Variants in CCDC171 observed in about 807,000 individuals in gnomAD.
CCDC171 encodes coiled-coil domain-containing protein 171.
Under a neutral mutation model 168.2 loss-of-function variants are expected in CCDC171, and 177 were observed. The ratio of observed to expected loss-of-function variants is 1.05; its 90% CI spans 0.93 to 1.19. CCDC171 has a LOEUF of 1.19. Ranked by LOEUF, CCDC171 falls within the 50% of genes most tolerant of loss-of-function variation. The pLI, the probability that CCDC171 is intolerant of heterozygous loss-of-function variation, is 0.00. For synonymous variants in CCDC171, 687 were observed against 540.8 expected, an observed-to-expected ratio of 1.27 and a Z score of -3.75; for missense variants, 1,991 against 1,539.0, an observed-to-expected ratio of 1.29 and a Z score of -4.91.
At chr9:15,614,126 A>C (rs1389975704) in intron 6 of CCDC171, among the ~76,000 whole-genome samples, 2 of 152,234 alleles carry the variant, frequency 1.3e-5, no homozygotes, top group East Asian at 3.8e-4. Context: ...CAGAGCCTTA[A>C]GGTCAGCCAG....
At chr9:15,649,974 C>G (rs2047376340) in intron 7 of CCDC171, among the ~76,000 whole-genome samples, 4 of 152,048 alleles carry the variant, frequency 2.6e-5, no homozygotes, top group African/African-American at 7.2e-5. Flanking sequence ...GCACTATTCA[C>G]AATAGCAAAG....
At chr9:15,991,141 T>C (rs182462084) in intron 3 of CCDC171, among the ~76,000 whole-genome samples, 5 of 152,224 alleles carry the variant, frequency 3.3e-5, no homozygotes, top group East Asian at 1.9e-4. Context: ...CAGCACCACA[T>C]CGCACTTATT....
chr9:15,842,022 G>A (rs1446974341), intron 21 of CCDC171, among the ~76,000 whole-genome samples: 1 of 151,924 alleles, frequency 6.6e-6, no homozygotes, highest in Non-Finnish European at 1.5e-5. Context: ...ATCTAGAGAT[G>A]TTTAAAGGAA....
At chr9:15,878,115 C>T (rs1256560542) in intron 24 of CCDC171, among the ~76,000 whole-genome samples, 1 of 152,038 alleles carries the variant, frequency 6.6e-6, no homozygotes. Flanking sequence ...GCAACAAAGA[C>T]AACAAATGAC....
intron 2 of CCDC171, among the ~76,000 whole-genome samples, chr9:15,568,018 A>G (rs1587008691): frequency 7.0e-6 from 1 of 142,932 alleles, no homozygotes; most frequent in Non-Finnish European, 1.5e-5. Flanking sequence ...TGTTTTCTTA[A>G]TTTTGTTTTT....
intron 7 of CCDC171, among the ~76,000 whole-genome samples, chr9:15,626,655 G>T (rs1018212851): frequency 1.3e-5 from 2 of 152,162 alleles, no homozygotes; most frequent in South Asian, 2.1e-4. Context: ...TGCATCCCAG[G>T]GATGAAGCCC....
intron 24 of CCDC171, among the ~76,000 whole-genome samples, chr9:15,906,798 T>G (rs1228192471): frequency 6.6e-6 from 1 of 152,092 alleles, no homozygotes; most frequent in Admixed American, 6.5e-5. Context: ...CAAAATCTCC[T>G]TAAGCTGATA....
At chr9:15,871,439 A>G (rs1043417791) in intron 23 of CCDC171, among the ~76,000 whole-genome samples, 1 of 151,640 alleles carries the variant, frequency 6.6e-6, no homozygotes, top group Non-Finnish European at 1.5e-5. Flanking sequence ...CCTAATTCAC[A>G]CTAAACTCAG....
At chr9:16,058,457 C>A (rs1314609611) in intron 1 of CCDC171, among the ~76,000 whole-genome samples, 3 of 152,202 alleles carry the variant, frequency 2.0e-5, no homozygotes, top group African/African-American at 7.2e-5. Context: ...GTCACCTCCC[C>A]GTCCAGATGT....
chr9:15,784,784 G>C (rs1427409915), intron 21 of CCDC171, 90 bp downstream of exon 21: 1 of 936,136 alleles, frequency 1.1e-6, no homozygotes, highest in East Asian at 2.7e-5. Flanking sequence ...AATAGGAATA[G>C]ATCCCAAGAT....
the CCDC171 span, among the ~76,000 whole-genome samples, chr9:16,081,028 C>G: frequency 6.6e-6 from 1 of 152,174 alleles, no homozygotes; most frequent in Non-Finnish European, 1.5e-5. Context: ...TTTCCTGGGA[C>G]TAGGTGGAAG....
At chr9:15,792,200 A>G (rs1324930198) in intron 21 of CCDC171, among the ~76,000 whole-genome samples, 1 of 152,242 alleles carries the variant, frequency 6.6e-6, no homozygotes, top group East Asian at 1.9e-4. Flanking sequence ...AGCTGATTTG[A>G]TCAACTGGAA....
At chr9:15,804,410 T>C (rs1369814403) in intron 21 of CCDC171, among the ~76,000 whole-genome samples, 1 of 152,052 alleles carries the variant, frequency 6.6e-6, no homozygotes, top group African/African-American at 2.4e-5. Context: ...GTTCCTTCAA[T>C]ACCTAGTTTA....
chr9:15,899,377 A>G (rs1264338342), intron 24 of CCDC171, among the ~76,000 whole-genome samples: 1 of 152,144 alleles, frequency 6.6e-6, no homozygotes, highest in African/African-American at 2.4e-5. Flanking sequence ...GCCTAGCTAT[A>G]TGTAAGTTAC....
rs750114793 is a variant in CCDC171, at chr9:15,846,760, A to G, written c.3326A>G (p.Asn1109Ser). The G allele has an allele frequency of 1.2e-5, 19 of 1,612,884 alleles. No homozygotes were observed. The highest frequency in any genetic ancestry group is 1.6e-4 in the Middle Eastern group (1 of 6,078). The change falls in exon 22 of 26, where the codon AAT becomes AGT. Residue 1109 changes from asparagine to serine, a missense_variant. By Grantham distance (46) the Asn-to-Ser change is conservative. Coordinates refer to ENST00000380701, the MANE Select transcript of CCDC171 (RefSeq NM_173550.4). ...RRKDQSLRQL[N>S]RHLTQLEQDK... ...AAAGATCAATCTCTGCGTCAGCTCAATAGACATCTTACCCAGCTGGAGCAG... is the reference window on the plus strand; with the variant it reads ...AAAGATCAATCTCTGCGTCAGCTCAGTAGACATCTTACCCAGCTGGAGCAG...
intron 6 of CCDC171, among the ~76,000 whole-genome samples, chr9:15,599,423 G>A (rs1335224418): frequency 6.6e-6 from 1 of 152,090 alleles, no homozygotes; most frequent in Non-Finnish European, 1.5e-5. Context: ...AGTTTGGCTG[G>A]ATATGAAATT....
the CCDC171 span, among the ~76,000 whole-genome samples, chr9:16,107,034 T>G: frequency 4.6e-5 from 7 of 152,226 alleles, no homozygotes; most frequent in Admixed American, 1.3e-4. Flanking sequence ...AATTTCAGAC[T>G]TATAGAAAAG....
intron 21 of CCDC171, among the ~76,000 whole-genome samples, chr9:15,797,983 C>G (rs1373754776): frequency 6.6e-6 from 1 of 152,072 alleles, no homozygotes; most frequent in African/African-American, 2.4e-5. Flanking sequence ...TGGACTCTGT[C>G]TCTGTTTCAT....
intron 10 of CCDC171, among the ~76,000 whole-genome samples, chr9:15,683,607 G>T (rs937366273): frequency 6.6e-6 from 1 of 151,738 alleles, no homozygotes; most frequent in African/African-American, 2.4e-5. Flanking sequence ...AATATTCATC[G>T]CGTAAGTGTC....
Sources: allele counts gnomAD v4.1 joint callset (sites outside exome capture counted in the v4.1 genomes callset), GRCh38; gene constraint gnomAD v4.1.1; transcripts MANE v1.5; gene names NCBI Gene and HGNC (gene_info 2026-07-23, HGNC 2026-07-21).